Variants in TYW1 observed in about 807,000 individuals in gnomAD.
TYW1 encodes S-adenosyl-L-methionine-dependent tRNA 4-demethylwyosine synthase TYW1.
A neutral mutation model predicts 96.2 loss-of-function variants in TYW1; 46 were observed. The ratio of observed to expected loss-of-function variants is 0.48; its 90% CI spans 0.38 to 0.61. TYW1 has a LOEUF of 0.61. TYW1 is among the 20% of genes least tolerant of loss of function. The pLI, the probability that TYW1 is intolerant of heterozygous loss-of-function variation, is 0.00. For synonymous variants in TYW1, 274 were observed against 323.0 expected (o/e 0.85, Z 1.63); for missense variants, 684 against 909.6 (o/e 0.75, Z 3.19).
chr7:67,000,795 A>C (rs1793356655), intron 3 of TYW1, among the ~76,000 whole-genome samples: 1 of 152,166 alleles, frequency 6.6e-6, no homozygotes, highest in South Asian at 2.1e-4. Flanking sequence ...CTAGCATGAA[A>C]ATAAATTAGA....
At position 67,116,731 on chromosome 7, in the gene TYW1, A is replaced by G. The variant is rs140503746; in HGVS notation, c.1563-752A>G. ...AGACCTACTAGAAGAAGGACCTACT[A>G]GAAATCTAGTAGGTAGGAATGAAAT... On this transcript the variant is annotated intron_variant, in intron 12 of 15. Coordinates refer to ENST00000359626, the MANE Select transcript of TYW1 (RefSeq NM_018264.4). Among the ~76,000 whole-genome samples, 468 of 152,286 alleles carry G rather than the reference A, an allele frequency of 3.1e-3. 1 individual carries two copies. The highest frequency in any genetic ancestry group is 0.01 in the African/African-American group (435 of 41,560).
At position 67,036,040 on chromosome 7, in the gene TYW1, C is replaced by CT. The variant is rs34975904; in HGVS notation, c.984+11034dup. Among the ~76,000 whole-genome samples, 1,025 of 135,396 alleles carry CT rather than the reference C, an allele frequency of 7.6e-3. 23 individuals are homozygous for CT. Among genetic ancestry groups the CT allele is most frequent in the African/African-American group, 0.01 (388 of 37,986 alleles). The allele number at this position is 135,396 out of a possible 152,430, so 88.8% of individuals were successfully genotyped here. A position where few individuals can be genotyped will look rare whatever the true frequency, so the allele number is the denominator to read the frequency against. ...CAGATCAGAATGGTTTTGATATTTC[C>CT]TTTTTTTTTTTTTTTTGAGGTTTAG... On this transcript the variant is annotated intron_variant, in intron 7 of 15. Transcript: ENST00000359626.
At chr7:67,148,136 G>A (rs1798665575) in intron 13 of TYW1, among the ~76,000 whole-genome samples, 1 of 151,772 alleles carries the variant, frequency 6.6e-6, no homozygotes, top group East Asian at 1.9e-4. Context: ...TTGAGGGGAG[G>A]GTTATTGGTC....
intron 11 of TYW1, among the ~76,000 whole-genome samples, chr7:67,091,789 C>T (rs1168916743): frequency 6.6e-6 from 1 of 152,124 alleles, no homozygotes; most frequent in African/African-American, 2.4e-5. Flanking sequence ...ATCAGGATAA[C>T]TTTAAAATCT....
chr7:67,034,062 ATCTTC>A (rs1166602362), intron 7 of TYW1, among the ~76,000 whole-genome samples: 2 of 149,414 alleles, frequency 1.3e-5, no homozygotes, highest in Admixed American at 6.7e-5. Context: ...ACTTGATCTG[ATCTTC>A]TCTTTGTAGT....
At chr7:67,044,246 A>G (rs1366737834) in intron 7 of TYW1, among the ~76,000 whole-genome samples, 1 of 151,124 alleles carries the variant, frequency 6.6e-6, no homozygotes, top group Non-Finnish European at 1.5e-5. Context: ...CCACAAGCGC[A>G]TGCCACCACG....
chr7:67,028,406 G>C (rs1794531781), intron 7 of TYW1, among the ~76,000 whole-genome samples: 1 of 152,190 alleles, frequency 6.6e-6, no homozygotes. Flanking sequence ...AATTAGCTGG[G>C]TGTGGTGGCG....
intron 13 of TYW1, among the ~76,000 whole-genome samples, chr7:67,160,811 C>T (rs1437487709): frequency 4.0e-5 from 6 of 151,586 alleles, no homozygotes; most frequent in East Asian, 3.9e-4. Flanking sequence ...AGGCTGATTT[C>T]GAACTCCTGA....
intron 8 of TYW1, among the ~76,000 whole-genome samples, chr7:67,053,321 G>A (rs1436905589): frequency 6.6e-6 from 1 of 151,720 alleles, no homozygotes; most frequent in Non-Finnish European, 1.5e-5. Flanking sequence ...GTAAGCATCA[G>A]GCATTGCCCC....
At chr7:67,037,360 C>A (rs921194681) in intron 7 of TYW1, among the ~76,000 whole-genome samples, 1 of 151,964 alleles carries the variant, frequency 6.6e-6, no homozygotes, top group Non-Finnish European at 1.5e-5. Context: ...AAGAATTAGC[C>A]AGGCGTGGTG....
intron 13 of TYW1, among the ~76,000 whole-genome samples, chr7:67,156,118 C>A (rs1185364489): frequency 6.6e-6 from 1 of 152,132 alleles, no homozygotes; most frequent in African/African-American, 2.4e-5. Flanking sequence ...CCCTGGATGG[C>A]AGACAAAGAT....
At chr7:67,085,882 A>G (rs1324928303) in intron 11 of TYW1, among the ~76,000 whole-genome samples, 2 of 151,880 alleles carry the variant, frequency 1.3e-5, no homozygotes, top group African/African-American at 4.8e-5. Flanking sequence ...AGGCAGGAGA[A>G]TCTCTTGAAC....
At chr7:67,197,975 G>T (rs1261440066) in intron 15 of TYW1, among the ~76,000 whole-genome samples, 2 of 93,294 alleles carry the variant, frequency 2.1e-5, no homozygotes, top group Non-Finnish European at 4.1e-5. Flanking sequence ...CGCCCCCGCA[G>T]CATACACGTG....
intron 13 of TYW1, among the ~76,000 whole-genome samples, chr7:67,170,492 A>C (rs1799483492): frequency 1.3e-5 from 2 of 152,374 alleles, no homozygotes; most frequent in South Asian, 4.1e-4. Flanking sequence ...CAGGGATTTA[A>C]AATTTTGTAT....
At position 66,996,866 on chromosome 7, in the gene TYW1, G is replaced by A; in HGVS notation, c.-113G>A. ...GTCATGGCTGCCCACAGGTCTGCAG[G>A]CACTCGGTACGCCGCTAACGCGGCG... On this transcript the variant is annotated 5_prime_UTR_variant, in exon 1 of 16. Coordinates refer to ENST00000359626, the MANE Select transcript of TYW1 (RefSeq NM_018264.4). 2 of 1,574,714 alleles carry A rather than the reference G, an allele frequency of 1.3e-6. No individual in the cohort carries two copies. The highest frequency in any genetic ancestry group is 1.1e-5 in the South Asian group (1 of 87,420).
chr7:67,016,123 A>G lies in TYW1; in HGVS notation c.570+1562A>G, dbSNP rs1794015202. Among the ~76,000 whole-genome samples the G allele has an allele frequency of 3.3e-5, 5 of 151,770 alleles. No homozygotes were observed. The Admixed American group carries it at 3.3e-4, about 10-fold the overall frequency. On this transcript the variant is annotated intron_variant, in intron 5 of 15. Transcript: ENST00000359626. ...TTTGCATCCTGTTCTCTACACTTGA[A>G]AAAATGAAACGATGGAGCCTCTCAG...
At chr7:67,181,704 T>C (rs778495582) in intron 13 of TYW1, among the ~76,000 whole-genome samples, 1 of 152,130 alleles carries the variant, frequency 6.6e-6, no homozygotes, top group Admixed American at 6.5e-5. Context: ...TACAGATGCA[T>C]GTAATCATGT....
intron 3 of TYW1, among the ~76,000 whole-genome samples, chr7:67,000,820 C>G (rs1229273092): frequency 1.3e-5 from 2 of 152,164 alleles, no homozygotes; most frequent in African/African-American, 2.4e-5. Flanking sequence ...AAATCAAGGT[C>G]TGTTACTTTT....
chr7:67,206,457 C>A (rs1166158830), intron 15 of TYW1, among the ~76,000 whole-genome samples: 1 of 151,858 alleles, frequency 6.6e-6, no homozygotes, highest in Non-Finnish European at 1.5e-5. Context: ...ATGGTGAAAC[C>A]CCATCTTTAC....
Sources: allele counts gnomAD v4.1 joint callset (sites outside exome capture counted in the v4.1 genomes callset), GRCh38; gene constraint gnomAD v4.1.1; transcripts MANE v1.5; gene names NCBI Gene and HGNC (gene_info 2026-07-23, HGNC 2026-07-21).